DGKI: variants seen among roughly 807,000 people sequenced by gnomAD.
DGKI encodes the protein diacylglycerol kinase iota.
Under a neutral mutation model 147.5 loss-of-function variants are expected in DGKI, and 55 were observed. The observed-to-expected ratio is 0.37, with a 90% CI of 0.30 to 0.47. DGKI has a LOEUF of 0.47. Ranked by LOEUF, DGKI falls within the 20% of genes least tolerant of loss-of-function variation. The pLI, the probability that DGKI is intolerant of heterozygous loss-of-function variation, is 1.00. For missense variants in DGKI, 1,007 were observed against 1,323.8 expected, an observed-to-expected ratio of 0.76 and a Z score of 3.71; for synonymous variants, 469 against 477.1, an observed-to-expected ratio of 0.98 and a Z score of 0.22.
At chr7:137,842,235 G>A (rs138117246) in intron 1 of DGKI, among the ~76,000 whole-genome samples, 48 of 152,288 alleles carry the variant, frequency 3.2e-4, no homozygotes, top group African/African-American at 1.1e-3. Flanking sequence ...TACAATGCAA[G>A]GAAGACCAAT....
intron 6 of DGKI, among the ~76,000 whole-genome samples, chr7:137,643,982 C>T (rs964161703): frequency 6.6e-6 from 1 of 152,112 alleles, no homozygotes; most frequent in Non-Finnish European, 1.5e-5. Flanking sequence ...TATGCCTGCC[C>T]GGCTGCAGCA....
intron 1 of DGKI, among the ~76,000 whole-genome samples, chr7:137,698,066 A>G (rs1025872976): frequency 4.6e-5 from 7 of 151,166 alleles, no homozygotes; most frequent in Admixed American, 1.3e-4. Flanking sequence ...ATATCTATAT[A>G]TATCTCCAGA....
chr7:137,655,693 T>C (rs1822194058), intron 4 of DGKI, among the ~76,000 whole-genome samples: 1 of 152,206 alleles, frequency 6.6e-6, no homozygotes, highest in African/African-American at 2.4e-5. Flanking sequence ...TGCCACAAGA[T>C]ATCAGCTAGG....
At chr7:137,693,723 TGC>T (rs1823687770) in intron 1 of DGKI, among the ~76,000 whole-genome samples, 1 of 152,208 alleles carries the variant, frequency 6.6e-6, no homozygotes, top group Non-Finnish European at 1.5e-5. Flanking sequence ...AAAAACAGCT[TGC>T]TGATTAGATC....
chr7:137,699,300 T>C (rs1563156149), intron 1 of DGKI, among the ~76,000 whole-genome samples: 1 of 152,168 alleles, frequency 6.6e-6, no homozygotes, highest in Non-Finnish European at 1.5e-5. Context: ...ATTTTAGGAT[T>C]GAGAGGGGGC....
At chr7:137,638,695 C>T (rs1187941863) in intron 6 of DGKI, among the ~76,000 whole-genome samples, 1 of 142,192 alleles carries the variant, frequency 7.0e-6, no homozygotes, top group Non-Finnish European at 1.5e-5. Context: ...CACACAGATA[C>T]ATATGTACGC....
At position 137,718,184 on chromosome 7, in the gene DGKI, T is replaced by TTC. The variant is rs375029959; in HGVS notation, c.402-28183_402-28182insGA. ...AGCAGTGAGCAACGGGGCATCCACT[T>TTC]TGTCGGACAGCATGTGGGAGGTTTC... is the stretch of plus-strand genomic sequence containing the variant. On this transcript the variant is annotated intron_variant, in intron 1 of 32. Coordinates refer to ENST00000614521, the MANE Select transcript of DGKI (RefSeq NM_001321708.2). Among the ~76,000 whole-genome samples the TTC allele has an allele frequency of 4.0e-3, 611 of 152,296 alleles. 5 individuals carry two copies. Among genetic ancestry groups the TTC allele is most frequent in the African/African-American group, 0.014 (592 of 41,558 alleles).
chr7:137,607,471 G>T (rs1330747194), intron 10 of DGKI, among the ~76,000 whole-genome samples: 1 of 152,130 alleles, frequency 6.6e-6, no homozygotes. Flanking sequence ...ATAGGAACAG[G>T]CTATGTCTTA....
chr7:137,453,739 A>G (rs1477862859), intron 27 of DGKI, among the ~76,000 whole-genome samples: 1 of 152,150 alleles, frequency 6.6e-6, no homozygotes, highest in Non-Finnish European at 1.5e-5. Context: ...GACAGAGATG[A>G]GCATTTGTGT....
At chr7:137,813,846 G>A (rs1410733571) in intron 1 of DGKI, among the ~76,000 whole-genome samples, 1 of 152,128 alleles carries the variant, frequency 6.6e-6, no homozygotes, top group Non-Finnish European at 1.5e-5. Flanking sequence ...GCAGCTTCCT[G>A]GTTCAGGATA....
chr7:137,672,164 T>C (rs1031359773), intron 3 of DGKI, among the ~76,000 whole-genome samples: 1 of 152,238 alleles, frequency 6.6e-6, no homozygotes, highest in East Asian at 1.9e-4. Flanking sequence ...AAGCCTGCTG[T>C]AGACGCACCT....
At chr7:137,717,361 A>G (rs1270111020) in intron 1 of DGKI, among the ~76,000 whole-genome samples, 2 of 152,210 alleles carry the variant, frequency 1.3e-5, no homozygotes, top group African/African-American at 4.8e-5. Flanking sequence ...CTTACAAGAA[A>G]TTAGAACTCT....
At chr7:137,789,299 GT>G (rs1796772432) in intron 1 of DGKI, among the ~76,000 whole-genome samples, 1 of 151,900 alleles carries the variant, frequency 6.6e-6, no homozygotes, top group African/African-American at 2.4e-5. Context: ...AGTGGGAGAG[GT>G]TTTTTTAAAA....
At chr7:137,719,038 T>C (rs1222147992) in intron 1 of DGKI, among the ~76,000 whole-genome samples, 1 of 152,200 alleles carries the variant, frequency 6.6e-6, no homozygotes, top group African/African-American at 2.4e-5. Flanking sequence ...AGATTTTCTG[T>C]ATCCACTGAT....
chr7:137,560,222 A>T (rs957702045), intron 19 of DGKI, among the ~76,000 whole-genome samples: 1 of 152,216 alleles, frequency 6.6e-6, no homozygotes, highest in East Asian at 1.9e-4. Context: ...AGCTGCAGAA[A>T]AAAAGAGGCC....
intron 19 of DGKI, among the ~76,000 whole-genome samples, chr7:137,560,837 C>A (rs534033599): frequency 1.4e-3 from 213 of 152,264 alleles, no homozygotes; most frequent in African/African-American, 4.8e-3. Flanking sequence ...CCAGAGGGAA[C>A]ACAGGCCTAC....
At chr7:137,428,319 G>C (rs1435671198) in intron 28 of DGKI, among the ~76,000 whole-genome samples, 4 of 152,146 alleles carry the variant, frequency 2.6e-5, no homozygotes. Flanking sequence ...TATCTCAATA[G>C]ATGCAGAAAA....
intron 19 of DGKI, among the ~76,000 whole-genome samples, chr7:137,561,236 T>A (rs995128576): frequency 2.6e-5 from 4 of 152,174 alleles, no homozygotes; most frequent in Non-Finnish European, 1.5e-5. Flanking sequence ...GGAATATTAT[T>A]CAGCCATTAA....
rs1051491205 is a variant in DGKI at position 137,632,731 on chromosome 7, C to T, written c.805-9177G>A. Among the ~76,000 whole-genome samples, 23 of 152,086 alleles carry T rather than the reference C, an allele frequency of 1.5e-4. 1 individual carries two copies. In the South Asian group the frequency reaches 1.9e-3, roughly 12 times the overall value. ...AAAATTAGCTGGGCGTGGTGGCACA[C>T]GCCTGTAGTCCCAGCTACTCAGGAG... On this transcript the variant is annotated intron_variant, in intron 6 of 32. Transcript: ENST00000614521.
Sources: gnomAD v4.1 joint callset for allele counts (sites outside exome capture counted in the v4.1 genomes callset) on GRCh38, gnomAD v4.1.1 for gene constraint, MANE v1.5 for transcripts, NCBI Gene and HGNC (gene_info 2026-07-23, HGNC 2026-07-21) for gene names.